MAOB: variants seen among roughly 807,000 people sequenced by gnomAD.
MAOB encodes the protein monoamine oxidase B, also known as amine oxidase [flavin-containing] B.
MAOB carries 15 observed loss-of-function variants against 41.9 expected under a neutral mutation model. That is an observed-to-expected ratio of 0.36 (90% CI 0.24 to 0.55). The LOEUF is 0.55. Ranked by LOEUF, MAOB falls within the 20% of genes least tolerant of loss-of-function variation. The pLI, the probability that MAOB is intolerant of heterozygous loss-of-function variation, is 0.86. For synonymous variants in MAOB, 167 were observed against 144.2 expected (o/e 1.16, Z -1.13); for missense variants, 345 against 398.7 (o/e 0.87, Z 1.15).
intron 5 of MAOB, 121 bp downstream of exon 5, chrX:43,802,051 C>G (rs1236575198): frequency 3.1e-5 from 17 of 556,470 alleles, no homozygotes; most frequent in Non-Finnish European, 4.9e-5. Context: ...CAGCATGCCA[C>G]TGGCTGGTGG....
intron 3 of MAOB, among the ~76,000 whole-genome samples, chrX:43,809,541 A>C (rs909822928): frequency 8.9e-6 from 1 of 112,579 alleles, no homozygotes; most frequent in Non-Finnish European, 1.9e-5. Flanking sequence ...TGATAAACAC[A>C]GGAAAGAGCT....
Position 43,767,559 on chromosome X carries a change from T to C in MAOB, c.1470A>G (p.Pro490=), listed in dbSNP as rs772573867. 6 of 1,208,831 alleles carry C rather than the reference T, an allele frequency of 5.0e-6. No individual in the cohort carries two copies. The South Asian group carries it at 7.1e-5, about 14-fold the overall frequency. Residue 490 remains proline (P), a synonymous_variant, in exon 15 of 15, where the codon CCA becomes CCG. Transcript: ENST00000378069. ...TFLERHLPSV[P]GLLRLIGLTT... ...TCAATCCAATCAGCCTGAGCAGGCCTGGCACGGAGGGCAAATGTCTCTCCA... is the reference window on the plus strand; with the variant it reads ...TCAATCCAATCAGCCTGAGCAGGCCCGGCACGGAGGGCAAATGTCTCTCCA...
intron 1 of MAOB, among the ~76,000 whole-genome samples, chrX:43,861,300 C>T (rs1022043322): frequency 7.1e-5 from 8 of 112,743 alleles, no homozygotes; most frequent in Non-Finnish European, 1.1e-4. Context: ...AAAGAACTAA[C>T]GCTAGTGCGG....
chrX:43,867,133 C>T (rs112356601), intron 1 of MAOB, among the ~76,000 whole-genome samples: 1,476 of 111,889 alleles, frequency 0.013, 41 homozygotes, highest in African/African-American at 0.044. Context: ...AAAATAAGTG[C>T]CAAGGAGATT....
rs182735704 is a variant in MAOB, at chrX:43,795,688, C to A, written c.768+51G>T. ...TTCTAAGAATTTTTAAAGTTGTATG[C>A]CAGGAAACTGGGATGAAGATCAAAT... On this transcript the variant is annotated intron_variant, in intron 7 of 14. Transcript: ENST00000378069. 9.4e-5 allele frequency: 99 copies of A among 1,055,906 alleles called. No individual in the cohort carries two copies. In the East Asian group the frequency reaches 3.0e-3, roughly 32 times the overall value. The allele number at this position is 1,055,906 out of a possible 1,213,427, so 87.0% of individuals were successfully genotyped here. A position where few individuals can be genotyped will look rare whatever the true frequency, so the allele number is the denominator to read the frequency against.
At chrX:43,847,436 A>T (rs2035215483) in intron 1 of MAOB, among the ~76,000 whole-genome samples, 2 of 111,676 alleles carry the variant, frequency 1.8e-5, no homozygotes, top group African/African-American at 6.5e-5. Context: ...GCTTTACACA[A>T]AAAGCTCAAC....
intron 10 of MAOB, 85 bp from the exon 11 acceptor site, chrX:43,778,824 A>G (rs2034293483): frequency 1.4e-6 from 1 of 697,267 alleles, no homozygotes; most frequent in Non-Finnish European, 2.2e-6. Flanking sequence ...ATCCCCTCAT[A>G]AAAAAGATTC....
chrX:43,812,927 A>G (rs1478415063), intron 3 of MAOB, among the ~76,000 whole-genome samples: 1 of 111,998 alleles, frequency 8.9e-6, no homozygotes, highest in African/African-American at 3.2e-5. Context: ...GCCCTGCAAG[A>G]ATAATAATAA....
chrX:43,789,201 C>A (rs1418786359), intron 8 of MAOB, among the ~76,000 whole-genome samples: 6 of 112,353 alleles, frequency 5.3e-5, no homozygotes, highest in Non-Finnish European at 1.1e-4. Flanking sequence ...CATGTCGATG[C>A]TTCAAAAGTT....
At chrX:43,807,712 C>T (rs1464089528) in intron 3 of MAOB, among the ~76,000 whole-genome samples, 2 of 112,233 alleles carry the variant, frequency 1.8e-5, no homozygotes, top group Non-Finnish European at 1.9e-5. Context: ...TGAACAGTGG[C>T]TGGCATGTTG....
chrX:43,803,503 G>A (rs181577882), intron 3 of MAOB, 99 bp from the exon 4 acceptor site: 7 of 1,062,508 alleles, frequency 6.6e-6, no homozygotes, highest in Non-Finnish European at 8.5e-6. Flanking sequence ...AATTATGTGA[G>A]TTATCAATAT....
chrX:43,771,659 C>A (rs1235058261), intron 12 of MAOB, among the ~76,000 whole-genome samples: 2 of 110,604 alleles, frequency 1.8e-5, no homozygotes, highest in Non-Finnish European at 3.8e-5. Flanking sequence ...GAAAACTAAC[C>A]CCAGCTGGAG....
At chrX:43,787,759 TA>T in intron 8 of MAOB, among the ~76,000 whole-genome samples, 1 of 111,866 alleles carries the variant, frequency 8.9e-6, no homozygotes, top group South Asian at 3.7e-4. Flanking sequence ...GAGAATTTAG[TA>T]GGGGGAAACC....
rs2035196766 is a variant in MAOB at position 43,845,864 on chromosome X, A to C, written c.47-2100T>G. The stretch of plus-strand genomic sequence containing the variant: ...TAAAGGAGGAATTCCCATTTTATAG[A>C]GAGGCTGATTTGACATTTCATTATT... On this transcript the variant is annotated intron_variant, in intron 1 of 14. Coordinates refer to ENST00000378069, the MANE Select transcript of MAOB (RefSeq NM_000898.5). 2.7e-5 allele frequency among the ~76,000 whole-genome samples: 3 copies of C among 112,024 alleles called. No homozygotes were observed. In the Admixed American group the frequency reaches 2.8e-4, roughly 11 times the overall value.
chrX:43,879,725 T>A (rs1378722423), intron 1 of MAOB, among the ~76,000 whole-genome samples: 4 of 111,871 alleles, frequency 3.6e-5, no homozygotes, highest in Admixed American at 9.5e-5. Context: ...GTGCTATTCA[T>A]TGATCACAGA....
At chrX:43,850,356 C>G in intron 1 of MAOB, 1 of 748,864 alleles carries the variant, frequency 1.3e-6, no homozygotes, top group South Asian at 6.8e-5. Context: ...TGTCCAAAGC[C>G]TTGGGACTGT....
chrX:43,772,934 C>T (rs1452434281), intron 12 of MAOB, among the ~76,000 whole-genome samples: 1 of 112,042 alleles, frequency 8.9e-6, no homozygotes, highest in Non-Finnish European at 1.9e-5. Flanking sequence ...TGAGGCTTCA[C>T]CAGAAACTGA....
At chrX:43,838,305 A>G (rs2035094264) in intron 3 of MAOB, among the ~76,000 whole-genome samples, 1 of 111,821 alleles carries the variant, frequency 8.9e-6, no homozygotes, top group Admixed American at 9.5e-5. Flanking sequence ...ATGAGCCACA[A>G]ATGATCACAG....
chrX:43,795,029 A>G (rs2034510066), intron 7 of MAOB, among the ~76,000 whole-genome samples: 1 of 110,974 alleles, frequency 9.0e-6, no homozygotes, highest in African/African-American at 3.3e-5. Context: ...ATTCTATAGC[A>G]GACATCAGCC....
Sources: gnomAD v4.1 joint callset for allele counts (sites outside exome capture counted in the v4.1 genomes callset) on GRCh38, gnomAD v4.1.1 for gene constraint, MANE v1.5 for transcripts, NCBI Gene and HGNC (gene_info 2026-07-23, HGNC 2026-07-21) for gene names.